The following ADCY2 variants were observed in gnomAD, a reference collection of about 807,000 sequenced individuals.
The protein encoded by ADCY2 is adenylate cyclase type 2.
Under a neutral mutation model 125.2 loss-of-function variants are expected in ADCY2, and 31 were observed. The observed-to-expected ratio is 0.25, with a 90% CI of 0.19 to 0.33. The LOEUF is 0.33. ADCY2 is among the 10% of genes least tolerant of loss of function. The pLI is 1.00. For missense variants in ADCY2, 904 were observed against 1,418.2 expected (o/e 0.64, Z 5.82); for synonymous variants, 512 against 548.4 (o/e 0.93, Z 0.93).
intron 3 of ADCY2, among the ~76,000 whole-genome samples, chr5:7,549,826 CCGGAAGTGGCTTTCTCCAGCCACTATCCA>C (rs1210366981): frequency 6.6e-6 from 1 of 152,160 alleles, no homozygotes; most frequent in Admixed American, 6.5e-5. Flanking sequence ...TAGGTCGTAC[CCGGAAGTGGCTTTCTCCAGCCACTATCCA>C]CAGGATCCTG....
At chr5:7,526,565 AATATC>A (rs1486658211) in intron 3 of ADCY2, among the ~76,000 whole-genome samples, 5 of 152,196 alleles carry the variant, frequency 3.3e-5, no homozygotes, top group African/African-American at 9.7e-5. Context: ...CAAGTATCGA[AATATC>A]ATATATACCC....
chr5:7,640,299 C>G (rs1191758113), intron 4 of ADCY2, among the ~76,000 whole-genome samples: 1 of 152,086 alleles, frequency 6.6e-6, no homozygotes, highest in Non-Finnish European at 1.5e-5. Context: ...AATGTCAAAC[C>G]AGATTCTACC....
intron 2 of ADCY2, among the ~76,000 whole-genome samples, chr5:7,423,158 T>C (rs1740273314): frequency 6.6e-6 from 1 of 152,248 alleles, no homozygotes; most frequent in Non-Finnish European, 1.5e-5. Flanking sequence ...TGTTGTTTAA[T>C]AACCACACCT....
chr5:7,447,018 T>A (rs1363947397), intron 2 of ADCY2, among the ~76,000 whole-genome samples: 1 of 152,128 alleles, frequency 6.6e-6, no homozygotes, highest in Non-Finnish European at 1.5e-5. Context: ...GGATGCTGCT[T>A]GTTTTGTTAG....
At chr5:7,622,902 C>T (rs528975421) in intron 3 of ADCY2, among the ~76,000 whole-genome samples, 3 of 152,250 alleles carry the variant, frequency 2.0e-5, no homozygotes, top group East Asian at 1.9e-4. Flanking sequence ...GCTGCCCCAG[C>T]GTGGGGGAAG....
At chr5:7,495,531 G>A (rs1412200021) in intron 2 of ADCY2, among the ~76,000 whole-genome samples, 2 of 152,180 alleles carry the variant, frequency 1.3e-5, no homozygotes, top group Non-Finnish European at 2.9e-5. Flanking sequence ...ATTTGCAAAG[G>A]AGGATAGTTA....
chr5:7,438,445 A>G (rs1327681241), intron 2 of ADCY2, among the ~76,000 whole-genome samples: 1 of 152,212 alleles, frequency 6.6e-6, no homozygotes, highest in Non-Finnish European at 1.5e-5. Flanking sequence ...AAATAAGTGA[A>G]TAATATGAGG....
At chr5:7,521,316 A>T (rs1413092473) in intron 3 of ADCY2, among the ~76,000 whole-genome samples, 1 of 152,178 alleles carries the variant, frequency 6.6e-6, no homozygotes, top group Non-Finnish European at 1.5e-5. Flanking sequence ...ACAAAGATAA[A>T]AATTTTCTTT....
At position 7,396,553 on chromosome 5, in the gene ADCY2, G is replaced by C. The variant is rs751735596; in HGVS notation, c.210+47G>C. 6.7e-6 allele frequency: 10 copies of C among 1,499,424 alleles called. No homozygotes were observed. The highest frequency in any genetic ancestry group is 8.0e-6 in the Non-Finnish European group (9 of 1,125,296). 92.9% of individuals were successfully genotyped at this position (1,499,424 alleles called of 1,614,324 possible). A position where few individuals can be genotyped will look rare whatever the true frequency, so the allele number is the denominator to read the frequency against. ...CCAGCGCCGCGCCTTCCCCGGCCCT[G>C]AGAGGAGCCCGGCCAGCCGAGCCGC... is the stretch of plus-strand genomic sequence containing the variant. On this transcript the variant is annotated intron_variant, in intron 1 of 24. Transcript: ENST00000338316. The surrounding 1 kb of genome is among the most constrained non-coding windows in gnomAD (Gnocchi z 5.7).
At chr5:7,590,731 G>A (rs1736826255) in intron 3 of ADCY2, among the ~76,000 whole-genome samples, 2 of 152,136 alleles carry the variant, frequency 1.3e-5, no homozygotes, top group Admixed American at 1.3e-4. Flanking sequence ...ACATTATGGT[G>A]TGGACAAAGT....
At chr5:7,685,583 A>G (rs1375501085) in intron 4 of ADCY2, among the ~76,000 whole-genome samples, 7 of 152,214 alleles carry the variant, frequency 4.6e-5, no homozygotes, top group Admixed American at 1.3e-4. Context: ...AAGAGTTTTA[A>G]CTGATTGATA....
intron 2 of ADCY2, among the ~76,000 whole-genome samples, chr5:7,486,012 G>A (rs531705309): frequency 2.0e-4 from 31 of 152,000 alleles, no homozygotes; most frequent in Non-Finnish European, 3.1e-4. Context: ...AATAAAACAC[G>A]ACATTCTTAT....
chr5:7,523,432 A>C (rs571012913), intron 3 of ADCY2, among the ~76,000 whole-genome samples: 1 of 152,324 alleles, frequency 6.6e-6, no homozygotes, highest in South Asian at 2.1e-4. Flanking sequence ...CGATAATTCT[A>C]AAATAGCACC....
At chr5:7,808,335 C>T (rs1262961576) in intron 22 of ADCY2, among the ~76,000 whole-genome samples, 3 of 152,186 alleles carry the variant, frequency 2.0e-5, no homozygotes, top group Admixed American at 6.5e-5. Context: ...AATGATCACC[C>T]GTGTTTGTTC....
At chr5:7,787,892 G>A (rs1476444049) in intron 19 of ADCY2, among the ~76,000 whole-genome samples, 2 of 152,134 alleles carry the variant, frequency 1.3e-5, no homozygotes, top group East Asian at 3.9e-4. Context: ...GCTCACTTGG[G>A]TTGGACTTGC....
intron 4 of ADCY2, among the ~76,000 whole-genome samples, chr5:7,640,232 G>A (rs958748399): frequency 6.6e-6 from 1 of 152,120 alleles, no homozygotes; most frequent in African/African-American, 2.4e-5. Flanking sequence ...GGAAAAAAAT[G>A]TTTAGAGGAA....
At chr5:7,475,827 C>T (rs998788747) in intron 2 of ADCY2, among the ~76,000 whole-genome samples, 4 of 152,140 alleles carry the variant, frequency 2.6e-5, no homozygotes, top group Admixed American at 6.6e-5. Flanking sequence ...GGACTGAGTT[C>T]GAGGGAGAAA....
chr5:7,794,218 G>A (rs183320859), intron 20 of ADCY2: 1 of 152,276 alleles, frequency 6.6e-6, no homozygotes, highest in East Asian at 1.9e-4. Context: ...ATCACACAAT[G>A]CAGATCTTCC....
intron 1 of ADCY2, among the ~76,000 whole-genome samples, chr5:7,413,508 C>T (rs1466890250): frequency 6.6e-6 from 1 of 151,894 alleles, no homozygotes. Flanking sequence ...CCGTGTTAGC[C>T]AGGATGGTCT....
Sources: gnomAD v4.1 joint callset for allele counts (sites outside exome capture counted in the v4.1 genomes callset) on GRCh38, gnomAD v4.1.1 for gene constraint, Gnocchi (gnomAD v3.1) non-coding constraint, MANE v1.5 for transcripts, NCBI Gene and HGNC (gene_info 2026-07-23, HGNC 2026-07-21) for gene names.